Variants in HNRNPK observed in about 807,000 individuals in gnomAD.
The protein encoded by HNRNPK is heterogeneous nuclear ribonucleoprotein K.
A neutral mutation model predicts 67.0 loss-of-function variants in HNRNPK; 7 were observed. That is an observed-to-expected ratio of 0.10 (90% confidence interval 0.06 to 0.20). The LOEUF is 0.20. Among genes scored for constraint, HNRNPK ranks in the 10% least tolerant of loss-of-function variants. The pLI is 1.00. For synonymous variants in HNRNPK, 213 were observed against 193.7 expected (o/e 1.10, Z -0.83); for missense variants, 264 against 606.5 (o/e 0.44, Z 5.93).
chr9:83,979,742 C>G (rs1301223023), intron 1 of HNRNPK, among the ~76,000 whole-genome samples: 2 of 151,978 alleles, frequency 1.3e-5, no homozygotes, highest in Admixed American at 1.3e-4. Context: ...CCCCACTGCC[C>G]GAGACAAAGC....
Position 83,970,237 on chromosome 9 carries a change from C to G in HNRNPK, c.1286G>C (p.Gly429Ala). Residue 429 changes from glycine to alanine, a missense_variant, in exon 16 of 17, where the codon GGA (glycine) becomes GCA (alanine). Physicochemically the swap from Gly to Ala is moderately conservative, Grantham distance 60 (BLOSUM62 0). This residue lies in a region of HNRNPK where 24 missense variants were observed against 103.3 expected (regional missense o/e 0.23). Transcript: ENST00000376263. Reference sequence around the variant, plus strand: ...AATGGTAATGATCCGATCTTCGGATCCTTCTAAAGGCTCATCAATTTTGAT... The same window carrying G: ...AATGGTAATGATCCGATCTTCGGATGCTTCTAAAGGCTCATCAATTTTGAT... ...ASIKIDEPLE[G>A]SEDRIITITG... The G allele has an allele frequency of 6.2e-7, 1 of 1,613,552 alleles. No homozygotes were observed. The highest frequency in any genetic ancestry group is 8.5e-7 in the Non-Finnish European group (1 of 1,179,560).
At chr9:83,976,859 A>C (rs912739053) in intron 5 of HNRNPK, 136 bp downstream of exon 5, 2 of 558,362 alleles carry the variant, frequency 3.6e-6, no homozygotes, top group African/African-American at 3.8e-5. Context: ...CTTCGAAATC[A>C]ATTCTGTAAT....
In HNRNPK at chr9:83,968,161, C is replaced by G. The variant is rs696825; in HGVS notation, c.*1246G>C. On this transcript the variant is annotated 3_prime_UTR_variant, in exon 17 of 17. Transcript: ENST00000376263. Reference sequence around the variant, plus strand: ...GGTGTCAATCAACCCTTGTTCAAATCGGGCACACATCAAATCTAGCATCAT... The same window carrying G: ...GGTGTCAATCAACCCTTGTTCAAATGGGGCACACATCAAATCTAGCATCAT... 6.6e-6 allele frequency: 1 copy of G among 152,368 alleles called. No homozygotes were observed. The highest frequency in any genetic ancestry group is 1.5e-5 in the Non-Finnish European group (1 of 67,986). 9.4% of individuals were successfully genotyped at this position (152,368 alleles called of 1,614,324 possible). A position where few individuals can be genotyped will look rare whatever the true frequency, so the allele number is the denominator to read the frequency against.
rs1419096510 is a variant in HNRNPK, at chr9:83,977,055, G to C, written c.157-4C>G. On this transcript the variant is annotated splice_region_variant and splice_polypyrimidine_tract_variant and intron_variant, in intron 4 of 16. Coordinates refer to ENST00000376263, the MANE Select transcript of HNRNPK (RefSeq NM_031263.4). ...TTCCAATCACTGCCCCAGCATTCTG[G>C]AGAAGATACAAAGACAAAAAATTAT... 1.2e-6 allele frequency: 2 copies of C among 1,608,114 alleles called. No individual in the cohort carries two copies. Among genetic ancestry groups the C allele is most frequent in the African/African-American group, 1.3e-5 (1 of 74,756 alleles).
intron 11 of HNRNPK, 50 bp from the exon 12 acceptor site, chr9:83,971,776 T>C (rs370758010): frequency 7.5e-6 from 12 of 1,597,784 alleles, no homozygotes; most frequent in African/African-American, 2.7e-5. Flanking sequence ...ATGCCACACA[T>C]ATCAAATCAA....
At position 83,969,174 on chromosome 9, in the gene HNRNPK, C is replaced by T. The variant is rs989168740; in HGVS notation, c.*233G>A. The T allele has an allele frequency of 3.8e-5, 20 of 528,412 alleles. No individual in the cohort carries two copies. Among genetic ancestry groups the T allele is most frequent in the East Asian group, 2.7e-4 (9 of 33,618 alleles). The allele number at this position is 528,412 out of a possible 1,614,324, so 32.7% of individuals were successfully genotyped here. On this transcript the variant is annotated 3_prime_UTR_variant, in exon 17 of 17. Coordinates refer to ENST00000376263, the MANE Select transcript of HNRNPK (RefSeq NM_031263.4). Reference sequence around the variant, plus strand: ...CAAAATTTCAATGTTAGTTTTTGCACGCCCTTCCCCCCCCCAACCCTGTTT... The same window carrying T: ...CAAAATTTCAATGTTAGTTTTTGCATGCCCTTCCCCCCCCCAACCCTGTTT...
At position 83,969,106 on chromosome 9, in the gene HNRNPK, C is replaced by A; in HGVS notation, c.*301G>T. On this transcript the variant is annotated 3_prime_UTR_variant, in exon 17 of 17. Transcript: ENST00000376263. ...ACATGGGGGGAATTTTTTAAACCAC[C>A]AACAATAACGAAAAATAAAATCCAC... 4.0e-6 allele frequency: 2 copies of A among 503,326 alleles called. No individual in the cohort carries two copies. Among genetic ancestry groups the A allele is most frequent in the Non-Finnish European group, 3.5e-6 (1 of 284,744 alleles). 31.2% of individuals were successfully genotyped at this position (503,326 alleles called of 1,614,324 possible).
At chr9:83,976,740 TGATG>T (rs752381613) in intron 5 of HNRNPK, 2 of 342,796 alleles carry the variant, frequency 5.8e-6, no homozygotes, top group Non-Finnish European at 1.0e-5. Flanking sequence ...TTATCTTGCT[TGATG>T]AAGTGAATAA....
In HNRNPK at chr9:83,972,982, G is replaced by T; in HGVS notation, c.517-10C>A. ...TGGTGGTTTGAGTGTTCTGTAGTAAGATCATAAAAAAAAATAATAATAATT... is the reference window on the plus strand; with the variant it reads ...TGGTGGTTTGAGTGTTCTGTAGTAATATCATAAAAAAAAATAATAATAATT... On this transcript the variant is annotated splice_polypyrimidine_tract_variant and intron_variant, in intron 9 of 16. Transcript: ENST00000376263. The T allele has an allele frequency of 1.9e-6, 3 of 1,557,938 alleles. No homozygotes were observed. Among genetic ancestry groups the T allele is most frequent in the Non-Finnish European group, 2.6e-6 (3 of 1,150,724 alleles).
At chr9:83,971,090 C>G in intron 13 of HNRNPK, 178 bp from the exon 14 acceptor site, 1 of 723,376 alleles carries the variant, frequency 1.4e-6, no homozygotes, top group Non-Finnish European at 2.4e-6. Context: ...TATGAGTGAG[C>G]ACCACTGCAC....
rs572386998 is a variant in HNRNPK, at chr9:83,971,865, C to T, written c.953+17G>A. ...ATGGGGGAAGAAAAAACAACAACAA[C>T]AAAAAAAACAACTTACCCCCCTCTA... is the stretch of plus-strand genomic sequence containing the variant. On this transcript the variant is annotated intron_variant, in intron 11 of 16. Coordinates refer to ENST00000376263, the MANE Select transcript of HNRNPK (RefSeq NM_031263.4). The T allele has an allele frequency of 6.5e-7, 1 of 1,550,282 alleles. No individual in the cohort carries two copies. Among genetic ancestry groups the T allele is most frequent in the Admixed American group, 2.1e-5 (1 of 48,146 alleles).
At chr9:83,979,535 C>T (rs970367027) in intron 1 of HNRNPK, among the ~76,000 whole-genome samples, 73 of 152,302 alleles carry the variant, frequency 4.8e-4, no homozygotes, top group African/African-American at 1.3e-3. Flanking sequence ...CCTCCCGGCA[C>T]CGAGATCAAA....
In HNRNPK at chr9:83,968,975, A is replaced by G. The variant is rs1956700554; in HGVS notation, c.*432T>C. 1 of 207,718 alleles carries G rather than the reference A, an allele frequency of 4.8e-6. No homozygotes were observed. Among genetic ancestry groups the G allele is most frequent in the East Asian group, 1.1e-4 (1 of 9,228 alleles). The allele number at this position is 207,718 out of a possible 1,614,324, so 12.9% of individuals were successfully genotyped here. Reference sequence around the variant, plus strand: ...TACAAAAGAGCATTACATTCTGCACACTGCTCTGAACAGATGCCAGGGACA... The same window carrying G: ...TACAAAAGAGCATTACATTCTGCACGCTGCTCTGAACAGATGCCAGGGACA... On this transcript the variant is annotated 3_prime_UTR_variant, in exon 17 of 17. Transcript: ENST00000376263.
chr9:83,979,656 C>A (rs1015994339), intron 1 of HNRNPK, among the ~76,000 whole-genome samples: 1 of 152,216 alleles, frequency 6.6e-6, no homozygotes, highest in Non-Finnish European at 1.5e-5. Context: ...CGACTACGTG[C>A]TACTAGGCGG....
At chr9:83,973,799 C>T in intron 8 of HNRNPK, 103 bp downstream of exon 8, 5 of 828,716 alleles carry the variant, frequency 6.0e-6, no homozygotes, top group Non-Finnish European at 8.0e-6. Context: ...TGTTTTTAAG[C>T]CTTTTTCTAT....
At chr9:83,969,644 C>G (rs1956731744) in intron 16 of HNRNPK, 12 of 615,900 alleles carry the variant, frequency 1.9e-5, no homozygotes, top group Admixed American at 3.0e-5. Context: ...ATTAGTAGAA[C>G]AGAATTAAGA....
Position 83,972,862 on chromosome 9 carries a change from G to A in HNRNPK, c.627C>T (p.Ile209=). 1 of 1,601,998 alleles carries A rather than the reference G, an allele frequency of 6.2e-7. No homozygotes were observed. Among genetic ancestry groups the A allele is most frequent in the East Asian group, 2.2e-5 (1 of 44,744 alleles). The change falls in exon 10 of 17, where the codon ATC becomes ATT. Residue 209 remains isoleucine, a synonymous_variant. Coordinates refer to ENST00000376263, the MANE Select transcript of HNRNPK (RefSeq NM_031263.4). ...PDRVVECIKI[I]LDLISESPIK... ...GAAGTACCTCAGATATAAGATCAAG[G>A]ATGATCTTTATGCACTCTACAACCC...
intron 1 of HNRNPK, among the ~76,000 whole-genome samples, chr9:83,979,429 C>A (rs890208811): frequency 6.6e-6 from 1 of 152,244 alleles, no homozygotes; most frequent in Non-Finnish European, 1.5e-5. Flanking sequence ...GCTTGCCGTT[C>A]ACCCTTCGGG....
chr9:83,974,354 AAAAAAC>A (rs1956981962), intron 7 of HNRNPK, among the ~76,000 whole-genome samples, 157 bp downstream of exon 7: 1 of 151,820 alleles, frequency 6.6e-6, no homozygotes, highest in Non-Finnish European at 1.5e-5. Context: ...TTTAAAAAAA[AAAAAAC>A]AAATTACGCA....
Sources: allele counts gnomAD v4.1 joint callset (sites outside exome capture counted in the v4.1 genomes callset), GRCh38; gene constraint gnomAD v4.1.1; regional missense constraint gnomAD v4.1.1; transcripts MANE v1.5; gene names NCBI Gene and HGNC (gene_info 2026-07-23, HGNC 2026-07-21).